Variants in KIF2C observed in about 807,000 individuals in gnomAD.
The protein encoded by KIF2C is kinesin-like protein KIF2C.
A neutral mutation model predicts 97.4 loss-of-function variants in KIF2C; 34 were observed. The ratio of observed to expected loss-of-function variants is 0.35; its 90% CI spans 0.27 to 0.46. The LOEUF (loss-of-function observed/expected upper bound fraction) is 0.46. KIF2C is among the 20% of genes least tolerant of loss of function. KIF2C has a pLI of 1.00. For missense variants in KIF2C, 750 were observed against 907.6 expected (o/e 0.83, Z 2.23); for synonymous variants, 313 against 318.2 (o/e 0.98, Z 0.17).
rs1649799333 is a variant in KIF2C, at chr1:44,755,860, C to G, written c.760-69C>G. On this transcript the variant is annotated intron_variant, in intron 8 of 20. Coordinates refer to ENST00000372224, the MANE Select transcript of KIF2C (RefSeq NM_006845.4). ...CATGGGATTGGAAGGGGTGGGAGTT[C>G]TGGACAAGCTCGCTTTTGAAATTGC... The G allele has an allele frequency of 4.0e-6, 6 of 1,494,856 alleles. No individual in the cohort carries two copies. In the African/African-American group the frequency reaches 5.5e-5, roughly 14 times the overall value. The allele number at this position is 1,494,856 out of a possible 1,614,324, so 92.6% of individuals were successfully genotyped here. A position where few individuals can be genotyped will look rare whatever the true frequency, so the allele number is the denominator to read the frequency against.
chr1:44,750,799 C>A (rs1649470742), intron 5 of KIF2C, among the ~76,000 whole-genome samples: 2 of 152,174 alleles, frequency 1.3e-5, no homozygotes, highest in Admixed American at 1.3e-4. Context: ...GTATTTAGTT[C>A]TGTGAATTTT....
In KIF2C at chr1:44,753,136, C is replaced by A. The variant is rs748814197; in HGVS notation, c.444C>A (p.Ala148=). Residue 148 remains alanine (A), a synonymous_variant, in exon 6 of 21, where the codon GCC becomes GCA. Transcript: ENST00000372224. ...GTGACTCTTGTTCCCCTACAGCTGC[C>A]CCCACTAGGCCTTCCTGCCCTGCAG... The part of the protein sequence containing the change: ...NSRKQFSVPP[A]PTRPSCPAVA... 6.8e-6 allele frequency: 11 copies of A among 1,611,242 alleles called. No homozygotes were observed. Among genetic ancestry groups the A allele is most frequent in the African/African-American group, 2.7e-5 (2 of 74,858 alleles).
Position 44,754,742 on chromosome 1 carries a change from C to T in KIF2C, c.664-8C>T. ...AGTCTGCCCTTTTTCACTCTCGTCT[C>T]AAACCAGGAGTATGACAGTAGTTTT... On this transcript the variant is annotated splice_region_variant and splice_polypyrimidine_tract_variant and intron_variant, in intron 7 of 20. Coordinates refer to ENST00000372224, the MANE Select transcript of KIF2C (RefSeq NM_006845.4). 2 of 1,582,340 alleles carry T rather than the reference C, an allele frequency of 1.3e-6. No homozygotes were observed. The highest frequency in any genetic ancestry group is 2.2e-5 in the South Asian group (2 of 90,446).
intron 2 of KIF2C, among the ~76,000 whole-genome samples, chr1:44,744,181 C>T (rs1649068279): frequency 6.6e-6 from 1 of 152,006 alleles, no homozygotes; most frequent in Non-Finnish European, 1.5e-5. Context: ...GATTTCGGCT[C>T]ACTACAACCT....
At chr1:44,752,376 C>T (rs569299738) in intron 5 of KIF2C, among the ~76,000 whole-genome samples, 1 of 152,046 alleles carries the variant, frequency 6.6e-6, no homozygotes, top group Non-Finnish European at 1.5e-5. Context: ...CTTCGTGATC[C>T]GCCCGCCTCG....
intron 17 of KIF2C, 142 bp downstream of exon 17, chr1:44,762,125 C>A: frequency 1.1e-6 from 1 of 883,272 alleles, no homozygotes; most frequent in Non-Finnish European, 1.9e-6. Flanking sequence ...GGAGTTCCGC[C>A]GTGATGCTAG....
At chr1:44,752,162 A>G (rs1324428176) in intron 5 of KIF2C, among the ~76,000 whole-genome samples, 82 of 76,300 alleles carry the variant, frequency 1.1e-3, no homozygotes, top group Middle Eastern at 0.013. Context: ...TTTTTGAGAC[A>G]GAGTCTCGCT....
intron 7 of KIF2C, 129 bp downstream of exon 7, chr1:44,753,962 T>A: frequency 1.2e-5 from 3 of 256,816 alleles, no homozygotes; most frequent in Non-Finnish European, 2.2e-5. Flanking sequence ...CCAATTCTTT[T>A]TTTTTTTTTT....
intron 17 of KIF2C, 156 bp from the exon 18 acceptor site, chr1:44,762,190 T>C: frequency 1.1e-6 from 1 of 872,606 alleles, no homozygotes; most frequent in Non-Finnish European, 2.0e-6. Context: ...TGAGGGGCTT[T>C]TCCAGTCCAG....
chr1:44,758,399 T>G (rs1474064869), intron 13 of KIF2C, among the ~76,000 whole-genome samples: 1 of 152,112 alleles, frequency 6.6e-6, no homozygotes, highest in Non-Finnish European at 1.5e-5. Flanking sequence ...CTGACCTCCC[T>G]CGGCCGACCT....
rs901710790 is a variant in KIF2C at position 44,740,164 on chromosome 1, C to G, written c.70+162C>G. ...TCTCTGCACTGGCAGTCATTCTTGC[C>G]TACACAGGGGTGAGAGTCCCTGCGC... On this transcript the variant is annotated intron_variant, in intron 1 of 20. Coordinates refer to ENST00000372224, the MANE Select transcript of KIF2C (RefSeq NM_006845.4). The G allele has an allele frequency of 3.6e-6, 3 of 843,750 alleles. No homozygotes were observed. In the African/African-American group the frequency reaches 5.0e-5, roughly 14 times the overall value. 52.3% of individuals were successfully genotyped at this position (843,750 alleles called of 1,614,324 possible).
At chr1:44,753,545 C>T (rs1283493129) in intron 6 of KIF2C, among the ~76,000 whole-genome samples, 188 bp from the exon 7 acceptor site, 2 of 152,122 alleles carry the variant, frequency 1.3e-5, no homozygotes, top group African/African-American at 4.8e-5. Flanking sequence ...ACTTTGTGGA[C>T]TTGTCCATCC....
rs1247077476 is a variant in KIF2C at position 44,740,935 on chromosome 1, A to G, written c.93A>G (p.Val31=). Residue 31 remains valine, a synonymous_variant, in exon 2 of 21, where the codon GTA becomes GTG. Transcript: ENST00000372224. ...RSNGLIHSAN[V]RTVNLEKSCV... ...TAGGTTTAATTCACAGTGCCAATGT[A>G]AGGACTGTGAACTTGGAGAAATCCT... The G allele has an allele frequency of 2.5e-6, 4 of 1,613,406 alleles. No homozygotes were observed. The highest frequency in any genetic ancestry group is 2.5e-6 in the Non-Finnish European group (3 of 1,179,426).
At chr1:44,758,877 A>T (rs1205643385) in intron 13 of KIF2C, among the ~76,000 whole-genome samples, 1 of 152,170 alleles carries the variant, frequency 6.6e-6, no homozygotes, top group Non-Finnish European at 1.5e-5. Flanking sequence ...ACTCCGTCTC[A>T]AAATAATAAT....
chr1:44,762,082 T>C (rs1207738000), intron 17 of KIF2C, 99 bp downstream of exon 17: 3 of 1,084,288 alleles, frequency 2.8e-6, no homozygotes, highest in Non-Finnish European at 4.3e-6. Flanking sequence ...GGGCCTACTG[T>C]ATACTCCTCT....
At chr1:44,748,707 A>C (rs1045834471) in intron 4 of KIF2C, among the ~76,000 whole-genome samples, 13 of 123,138 alleles carry the variant, frequency 1.1e-4, no homozygotes, top group African/African-American at 4.2e-4. Flanking sequence ...CACCTGGCTA[A>C]TTTTTTTTTT....
chr1:44,755,864 A>T (rs1240859081), intron 8 of KIF2C, 65 bp from the exon 9 acceptor site: 2 of 1,520,946 alleles, frequency 1.3e-6, no homozygotes, highest in African/African-American at 2.7e-5. Context: ...GGAGTTCTGG[A>T]CAAGCTCGCT....
chr1:44,753,958 C>CT (rs34685023), intron 7 of KIF2C, 125 bp downstream of exon 7: 1,809 of 67,858 alleles, frequency 0.027, 228 homozygotes, highest in Admixed American at 0.035. Context: ...GGCCCCAATT[C>CT]TTTTTTTTTT....
At chr1:44,762,267 CGAAGCCTG>C (rs770581928) in intron 17 of KIF2C, 71 bp from the exon 18 acceptor site, 2 of 1,323,758 alleles carry the variant, frequency 1.5e-6, no homozygotes, top group African/African-American at 2.9e-5. Context: ...CCTCAAGCCT[CGAAGCCTG>C]GGCGGTGCCA....
Sources: gnomAD v4.1 joint callset for allele counts (sites outside exome capture counted in the v4.1 genomes callset) on GRCh38, gnomAD v4.1.1 for gene constraint, MANE v1.5 for transcripts, NCBI Gene and HGNC (gene_info 2026-07-23, HGNC 2026-07-21) for gene names.